Variants in VCP observed in about 807,000 individuals in gnomAD.
VCP encodes the protein valosin containing protein, also known as transitional endoplasmic reticulum ATPase.
Under a neutral mutation model 85.7 loss-of-function variants are expected in VCP, and 6 were observed. The observed-to-expected ratio is 0.07, with a 90% CI of 0.04 to 0.14. The LOEUF (loss-of-function observed/expected upper bound fraction) is 0.14. Ranked by LOEUF, VCP falls within the 10% of genes least tolerant of loss-of-function variation. The pLI, the probability that VCP is intolerant of heterozygous loss-of-function variation, is 1.00. For missense variants in VCP, 353 were observed against 1,043.4 expected, an observed-to-expected ratio of 0.34 and a Z score of 9.12; for synonymous variants, 384 against 367.1, an observed-to-expected ratio of 1.05 and a Z score of -0.53.
intron 12 of VCP, 111 bp downstream of exon 12, chr9:35,060,690 C>T (rs2131030754): frequency 6.3e-7 from 1 of 1,591,286 alleles, no homozygotes; most frequent in South Asian, 1.1e-5. Context: ...ACAGTAGGTT[C>T]CTAAGTCGTG....
At chr9:35,061,535 A>C in intron 10 of VCP, 42 bp downstream of exon 10, 15 of 1,574,760 alleles carry the variant, frequency 9.5e-6, no homozygotes, top group Non-Finnish European at 1.3e-5. Context: ...GCAACTGCCT[A>C]GAGACACTGT....
chr9:35,065,508 C>G, intron 4 of VCP, 127 bp from the exon 5 acceptor site: 4 of 1,210,784 alleles, frequency 3.3e-6, no homozygotes, highest in East Asian at 5.1e-5. Flanking sequence ...ATTGCCCTAC[C>G]TCTCCCCAAC....
chr9:35,072,155 C>T, intron 1 of VCP, 182 bp downstream of exon 1: 1 of 1,399,436 alleles, frequency 7.1e-7, no homozygotes, highest in South Asian at 1.5e-5. Flanking sequence ...CGCGCGGGTG[C>T]GCAGCTGGCC....
chr9:35,069,010 A>C (rs1288911406), intron 1 of VCP, among the ~76,000 whole-genome samples: 1 of 152,202 alleles, frequency 6.6e-6, no homozygotes, highest in Non-Finnish European at 1.5e-5. Context: ...CTTGAGGCTC[A>C]GGGAGGCCTT....
chr9:35,061,945 T>C (rs1828734533), intron 9 of VCP, 58 bp downstream of exon 9: 2 of 1,613,380 alleles, frequency 1.2e-6, no homozygotes, highest in African/African-American at 1.3e-5. Context: ...GTGACTTAGA[T>C]GAAGGAGAGA....
intron 9 of VCP, 145 bp downstream of exon 9, chr9:35,061,858 G>C: frequency 2.0e-6 from 3 of 1,504,682 alleles, no homozygotes; most frequent in Non-Finnish European, 2.7e-6. Context: ...AGGGTGGTTG[G>C]TCACTCTAGA....
rs1348568831 is a variant in VCP at position 35,056,404 on chromosome 9, G to C, written c.*713C>G. On this transcript the variant is annotated 3_prime_UTR_variant, in exon 17 of 17. Transcript: ENST00000358901. Reference sequence around the variant, plus strand: ...CTATCCAGTGATACTGCAGACAAAGGGTGAGGCAACAGGAGACATCATACC... The same window carrying C: ...CTATCCAGTGATACTGCAGACAAAGCGTGAGGCAACAGGAGACATCATACC... 3 of 154,612 alleles carry C rather than the reference G, an allele frequency of 1.9e-5. No homozygotes were observed. Among genetic ancestry groups the C allele is most frequent in the Non-Finnish European group, 4.3e-5 (3 of 69,456 alleles). 9.6% of individuals were successfully genotyped at this position (154,612 alleles called of 1,614,324 possible). A position where few individuals can be genotyped will look rare whatever the true frequency, so the allele number is the denominator to read the frequency against.
intron 9 of VCP, 138 bp from the exon 10 acceptor site, chr9:35,061,827 C>T (rs1828726938): frequency 7.0e-7 from 1 of 1,426,262 alleles, no homozygotes. Context: ...CTCTGGGAAA[C>T]CTTTCAGTCT....
In VCP at chr9:35,061,696, G is replaced by GACAATACACAA; in HGVS notation, c.1082-8_1082-7insTTGTGTATTGT. ...ACCTCCCTGTCAAAGCGACCTGTGG[G>GACAATACACAA]ACAGTACACAAACATAAACAGGGCT... On this transcript the variant is annotated splice_polypyrimidine_tract_variant and splice_region_variant and intron_variant, in intron 9 of 16. Coordinates refer to ENST00000358901, the MANE Select transcript of VCP (RefSeq NM_007126.5). 2.5e-6 allele frequency: 4 copies of GACAATACACAA among 1,589,812 alleles called. No homozygotes were observed. Among genetic ancestry groups the GACAATACACAA allele is most frequent in the Non-Finnish European group, 3.5e-6 (4 of 1,158,012 alleles).
At position 35,056,857 on chromosome 9, in the gene VCP, T is replaced by C; in HGVS notation, c.*260A>G. 1 of 448,164 alleles carries C rather than the reference T, an allele frequency of 2.2e-6. No homozygotes were observed. 27.8% of individuals were successfully genotyped at this position (448,164 alleles called of 1,614,324 possible). On this transcript the variant is annotated 3_prime_UTR_variant, in exon 17 of 17. Transcript: ENST00000358901. Reference sequence around the variant, plus strand: ...GCACTGCCCCAAACTACAACAGAAATGGCATAGGCCCAAGGCCCAATTCCC... The same window carrying C: ...GCACTGCCCCAAACTACAACAGAAACGGCATAGGCCCAAGGCCCAATTCCC...
intron 6 of VCP, 76 bp from the exon 7 acceptor site, chr9:35,063,156 G>T: frequency 1.5e-6 from 2 of 1,331,600 alleles, no homozygotes; most frequent in Non-Finnish European, 2.2e-6. Context: ...GCGCTCCAGA[G>T]AGGGTGAGAA....
At chr9:35,068,644 G>C (rs1828881561) in intron 1 of VCP, among the ~76,000 whole-genome samples, 1 of 152,116 alleles carries the variant, frequency 6.6e-6, no homozygotes, top group Non-Finnish European at 1.5e-5. Context: ...CTAAGAAGAA[G>C]ACATAATAGA....
At chr9:35,058,913 A>T in intron 15 of VCP, 151 bp downstream of exon 15, 1 of 1,067,960 alleles carries the variant, frequency 9.4e-7, no homozygotes, top group Non-Finnish European at 1.4e-6. Context: ...GAATGGATTC[A>T]CCTCAGCATT....
Position 35,072,616 on chromosome 9 carries a change from C to G in VCP, c.-263G>C. 4.3e-6 allele frequency: 2 copies of G among 468,172 alleles called. No individual in the cohort carries two copies. Among genetic ancestry groups the G allele is most frequent in the South Asian group, 6.7e-5 (2 of 29,706 alleles). 29.0% of individuals were successfully genotyped at this position (468,172 alleles called of 1,614,324 possible). ...ACTCAAACGACGGTCGCAGACGCTT[C>G]GCTGAGACTGAGCCGAGAAGAGCCG... On this transcript the variant is annotated 5_prime_UTR_variant, in exon 1 of 17. Coordinates refer to ENST00000358901, the MANE Select transcript of VCP (RefSeq NM_007126.5).
chr9:35,067,800 A>G, intron 3 of VCP, 91 bp downstream of exon 3: 1 of 1,544,766 alleles, frequency 6.5e-7, no homozygotes, highest in Middle Eastern at 1.7e-4. Flanking sequence ...GGTGCCAAGA[A>G]CTTGGTCCTG....
chr9:35,057,856 A>G lies in VCP; in HGVS notation c.2161-326T>C, dbSNP rs1420419279. The G allele has an allele frequency of 1.2e-5, 5 of 419,360 alleles. No individual in the cohort carries two copies. The Admixed American group carries it at 1.8e-4, about 15-fold the overall frequency. 26.0% of individuals were successfully genotyped at this position (419,360 alleles called of 1,614,324 possible). On this transcript the variant is annotated intron_variant, in intron 15 of 16. Transcript: ENST00000358901. ...GTGGTAGTAGTTATAGAACTTACAC[A>G]CACTTGTCATAAAGCATGGAAATGG... is the stretch of plus-strand genomic sequence containing the variant.
chr9:35,064,074 ACAGTCC>A, intron 6 of VCP, 74 bp downstream of exon 6: 1 of 1,604,488 alleles, frequency 6.2e-7, no homozygotes, highest in Non-Finnish European at 8.5e-7. Flanking sequence ...ATGCATGAAA[ACAGTCC>A]CAGGATTAGA....
Position 35,061,049 on chromosome 9 carries a change from A to G in VCP, c.1325T>C (p.Met442Thr). ...LEDETIDAEV[M>T]NSLAVTMDDF... ...ATCCATAGTAACTGCTAGAGAGTTC[A>G]TGACCTCGGCATCAATGGTCTCATC... The change falls in exon 11 of 17, where the codon ATG (methionine) becomes ACG (threonine). Residue 442 changes from methionine to threonine, a missense_variant. This residue lies in a region of VCP where 22 missense variants were observed against 31.2 expected (regional missense o/e 0.70). Coordinates refer to ENST00000358901, the MANE Select transcript of VCP (RefSeq NM_007126.5). 1 of 1,614,176 alleles carries G rather than the reference A, an allele frequency of 6.2e-7. No individual in the cohort carries two copies. The highest frequency in any genetic ancestry group is 8.5e-7 in the Non-Finnish European group (1 of 1,180,022).
In VCP at chr9:35,071,990, C is replaced by T. The variant is rs960521737; in HGVS notation, c.17+347G>A. On this transcript the variant is annotated intron_variant, in intron 1 of 16. Coordinates refer to ENST00000358901, the MANE Select transcript of VCP (RefSeq NM_007126.5). Reference sequence around the variant, plus strand: ...CGGACGGCAGACTGGCGCCCCAAAGCCCCGGGGCGCCGCGCCGGCGGAGTG... The same window carrying T: ...CGGACGGCAGACTGGCGCCCCAAAGTCCCGGGGCGCCGCGCCGGCGGAGTG... The T allele has an allele frequency of 5.9e-5, 66 of 1,110,148 alleles. No individual in the cohort carries two copies. In the African/African-American group the frequency reaches 7.8e-4, roughly 13 times the overall value. 68.8% of individuals were successfully genotyped at this position (1,110,148 alleles called of 1,614,324 possible).
Sources: gnomAD v4.1 joint callset for allele counts (sites outside exome capture counted in the v4.1 genomes callset) on GRCh38, gnomAD v4.1.1 for gene constraint, gnomAD v4.1.1 regional missense constraint, MANE v1.5 for transcripts, NCBI Gene and HGNC (gene_info 2026-07-23, HGNC 2026-07-21) for gene names.